Variants in KIAA0040 observed in about 807,000 individuals in gnomAD.
KIAA0040 encodes the protein uncharacterized protein KIAA0040.
A neutral mutation model predicts 7.2 loss-of-function variants in KIAA0040; 10 were observed. The ratio of observed to expected loss-of-function variants is 1.38; its 90% CI spans 0.85 to 2.34. KIAA0040 has a LOEUF of 2.34. Among genes scored for constraint, KIAA0040 ranks in the 30% most tolerant of loss-of-function variants. The pLI, the probability that KIAA0040 is intolerant of heterozygous loss-of-function variation, is 0.00. For synonymous variants in KIAA0040, 49 were observed against 40.1 expected (o/e 1.22, Z -0.84); for missense variants, 89 against 108.2 (o/e 0.82, Z 0.79).
In KIAA0040 at chr1:175,160,782, C is replaced by T; in HGVS notation, c.232G>A (p.Glu78Lys). 1 of 1,536,102 alleles carries T rather than the reference C, an allele frequency of 6.5e-7. No individual in the cohort carries two copies. Among genetic ancestry groups the T allele is most frequent in the Non-Finnish European group, 8.8e-7 (1 of 1,141,332 alleles). ...GGTTGAGCAGAGATCCAGAGGTCTT[C>T]TTCATCCTTCTTCTTCTTCTTCTTC... ...KKKKKKKKDE[E>K]DLWISAQPKL... The change falls in exon 4 of 4, where the codon GAA (glutamate) becomes AAA (lysine). Residue 78 changes from glutamate (E) to lysine (K), a missense_variant. Glu to Lys is a moderately conservative substitution (Grantham distance 56). Transcript: ENST00000423313.
chr1:175,164,629 T>A (rs1271868639), intron 3 of KIAA0040, among the ~76,000 whole-genome samples: 1 of 152,178 alleles, frequency 6.6e-6, no homozygotes, highest in African/African-American at 2.4e-5. Flanking sequence ...TAAAGGGACT[T>A]ATTTGAGGCT....
intron 2 of KIAA0040, among the ~76,000 whole-genome samples, chr1:175,177,068 C>T (rs1183146056): frequency 2.6e-5 from 4 of 152,104 alleles, no homozygotes; most frequent in African/African-American, 9.7e-5. Context: ...GTGGGAGACC[C>T]TCTGGAAAGC....
At chr1:175,191,699 A>G (rs1677873734) in intron 1 of KIAA0040, among the ~76,000 whole-genome samples, 1 of 152,238 alleles carries the variant, frequency 6.6e-6, no homozygotes, top group Non-Finnish European at 1.5e-5. Context: ...ATCTAACAGA[A>G]CTTCAGAATG....
chr1:175,161,238 G>C (rs567014622), intron 3 of KIAA0040, 92 bp from the exon 4 acceptor site: 2 of 440,116 alleles, frequency 4.5e-6, no homozygotes, highest in Admixed American at 8.1e-5. Context: ...TAGGAAAGGG[G>C]AAGGAATTGA....
chr1:175,189,663 C>T lies in KIAA0040; in HGVS notation c.-384+2977G>A, dbSNP rs550592465. Among the ~76,000 whole-genome samples the T allele has an allele frequency of 8.5e-5, 13 of 152,208 alleles. No homozygotes were observed. The South Asian group carries it at 2.7e-3, about 32-fold the overall frequency. ...GCCCAGAGCTTACACCTACACAGTC[C>T]GTCTAATTTTGGTAGTTTCAAGAGG... On this transcript the variant is annotated intron_variant, in intron 1 of 3. Coordinates refer to ENST00000423313, the MANE Select transcript of KIAA0040 (RefSeq NM_014656.3).
At position 175,160,719 on chromosome 1, in the gene KIAA0040, CA is replaced by C; in HGVS notation, c.294del (p.Val99PhefsTer3). On this transcript the variant is annotated frameshift_variant, in exon 4 of 4. Transcript: ENST00000423313. LOFTEE classifies it high-confidence loss of function. ...CACCTCTGCTTCCTGCCTAACTAAA[CA>C]GGCAGTGATGGTCTCTTCTCCATCT... ...LLQMEKRPSL[P>X]V The C allele has an allele frequency of 6.5e-7, 1 of 1,545,300 alleles. No homozygotes were observed. The highest frequency in any genetic ancestry group is 8.7e-7 in the Non-Finnish European group (1 of 1,145,074).
intron 1 of KIAA0040, among the ~76,000 whole-genome samples, chr1:175,184,597 C>T (rs932858094): frequency 3.3e-5 from 5 of 152,216 alleles, no homozygotes; most frequent in African/African-American, 1.2e-4. Context: ...GCTGGGCATT[C>T]CTTCTACAGA....
chr1:175,163,215 C>A (rs1676620989), intron 3 of KIAA0040, among the ~76,000 whole-genome samples: 1 of 152,202 alleles, frequency 6.6e-6, no homozygotes, highest in African/African-American at 2.4e-5. Context: ...CAGAATCTTA[C>A]AATATTTGGC....
At chr1:175,189,990 A>T (rs1677808037) in intron 1 of KIAA0040, among the ~76,000 whole-genome samples, 1 of 152,152 alleles carries the variant, frequency 6.6e-6, no homozygotes, top group Non-Finnish European at 1.5e-5. Flanking sequence ...GACCTAAATA[A>T]CTACTCTGTA....
At chr1:175,188,064 C>T (rs1377641147) in intron 1 of KIAA0040, among the ~76,000 whole-genome samples, 2 of 152,208 alleles carry the variant, frequency 1.3e-5, no homozygotes, top group East Asian at 1.9e-4. Flanking sequence ...ATCATCTCTT[C>T]AATTTTGACC....
intron 1 of KIAA0040, among the ~76,000 whole-genome samples, chr1:175,187,732 C>G (rs1218122585): frequency 7.2e-6 from 1 of 139,798 alleles, no homozygotes; most frequent in Non-Finnish European, 1.6e-5. Flanking sequence ...GCCCTTGACC[C>G]TCTTTCCCTG....
At chr1:175,161,368 A>G (rs934299447) in intron 3 of KIAA0040, among the ~76,000 whole-genome samples, 2 of 152,244 alleles carry the variant, frequency 1.3e-5, no homozygotes, top group African/African-American at 4.8e-5. Context: ...CTTAGGATAT[A>G]AAAATGAATA....
intron 2 of KIAA0040, chr1:175,176,341 G>A (rs1362189232): frequency 2.0e-5 from 3 of 152,292 alleles, no homozygotes; most frequent in Admixed American, 6.5e-5. Context: ...GTCTTAAAAT[G>A]CAAAGATCAA....
At chr1:175,170,844 C>T (rs573737202) in intron 2 of KIAA0040, among the ~76,000 whole-genome samples, 1 of 152,318 alleles carries the variant, frequency 6.6e-6, no homozygotes, top group South Asian at 2.1e-4. Context: ...CCAGGCCCTG[C>T]TCACGCCTCA....
At chr1:175,168,449 G>A (rs926315757) in intron 2 of KIAA0040, among the ~76,000 whole-genome samples, 2 of 152,098 alleles carry the variant, frequency 1.3e-5, no homozygotes, top group African/African-American at 4.8e-5. Flanking sequence ...AAAATAGATA[G>A]TATTTTCCCC....
chr1:175,179,159 G>A (rs534861350), intron 1 of KIAA0040, among the ~76,000 whole-genome samples: 56 of 152,258 alleles, frequency 3.7e-4, no homozygotes, highest in African/African-American at 1.3e-3. Flanking sequence ...CAGCGAAGAA[G>A]GCTTCTAAGG....
Position 175,163,230 on chromosome 1 carries a change from C to T in KIAA0040, c.-133-2084G>A, listed in dbSNP as rs1036023941. 5.6e-4 allele frequency among the ~76,000 whole-genome samples: 85 copies of T among 152,324 alleles called. 1 individual carries two copies. The highest frequency in any genetic ancestry group is 2.0e-3 in the African/African-American group (82 of 41,566). ...CAGAATCTTACAATATTTGGCTATT[C>T]CCCAGATTAACTTAAATGCTTATCC... On this transcript the variant is annotated intron_variant, in intron 3 of 3. Coordinates refer to ENST00000423313, the MANE Select transcript of KIAA0040 (RefSeq NM_014656.3).
chr1:175,183,090 G>A (rs1428691161), intron 1 of KIAA0040, among the ~76,000 whole-genome samples: 1 of 152,152 alleles, frequency 6.6e-6, no homozygotes, highest in Non-Finnish European at 1.5e-5. Context: ...TTAGCCCAGG[G>A]GCCATTTTCT....
rs183368675 is a variant in KIAA0040 at position 175,157,539 on chromosome 1, A to G, written c.*3175T>C. 4 of 152,228 alleles carry G rather than the reference A, an allele frequency of 2.6e-5. No individual in the cohort carries two copies. The highest frequency in any genetic ancestry group is 4.4e-5 in the Non-Finnish European group (3 of 68,030). The allele number at this position is 152,228 out of a possible 1,614,324, so 9.4% of individuals were successfully genotyped here. On this transcript the variant is annotated 3_prime_UTR_variant, in exon 4 of 4. Transcript: ENST00000423313. ...CCATCTGACTACATCAAGACTTTTC[A>G]TTTTCAAAGTATTTTATTTAAATAA...
Sources: gnomAD v4.1 joint callset for allele counts (sites outside exome capture counted in the v4.1 genomes callset) on GRCh38, gnomAD v4.1.1 for gene constraint, MANE v1.5 for transcripts, NCBI Gene and HGNC (gene_info 2026-07-23, HGNC 2026-07-21) for gene names.